ARHGAP12: variants seen among roughly 807,000 people sequenced by gnomAD.
ARHGAP12 encodes rho GTPase-activating protein 12.
Under a neutral mutation model 108.6 loss-of-function variants are expected in ARHGAP12, and 64 were observed. That is an observed-to-expected ratio of 0.59 (90% CI 0.48 to 0.73). The LOEUF is 0.73. Among genes scored for constraint, ARHGAP12 ranks in the 30% least tolerant of loss-of-function variants. ARHGAP12 has a pLI of 0.00. For synonymous variants in ARHGAP12, 312 were observed against 337.2 expected (o/e 0.93, Z 0.82); for missense variants, 940 against 1,005.9 (o/e 0.93, Z 0.89).
At chr10:31,821,177 T>C (rs991288910) in intron 11 of ARHGAP12, among the ~76,000 whole-genome samples, 20 of 152,226 alleles carry the variant, frequency 1.3e-4, no homozygotes, top group Middle Eastern at 3.4e-3. Flanking sequence ...TGTCAGAAAC[T>C]GTAACTAGAG....
chr10:31,858,994 AGT>A (rs148748135), intron 4 of ARHGAP12, among the ~76,000 whole-genome samples: 35,022 of 152,046 alleles, frequency 0.23, 4,365 homozygotes, highest in Non-Finnish European at 0.29. Flanking sequence ...GAAACTGGGG[AGT>A]GAAAGCAGTG....
intron 3 of ARHGAP12, among the ~76,000 whole-genome samples, chr10:31,888,023 C>T (rs1444562583): frequency 6.6e-6 from 1 of 152,106 alleles, no homozygotes; most frequent in African/African-American, 2.4e-5. Flanking sequence ...TCAAAACTTT[C>T]AGTGGTGAAC....
intron 6 of ARHGAP12, among the ~76,000 whole-genome samples, chr10:31,846,938 C>A (rs1247011489): frequency 2.9e-5 from 3 of 104,978 alleles, no homozygotes; most frequent in Non-Finnish European, 5.4e-5. Context: ...TCTATTGTCT[C>A]TCCATTGTTC....
At chr10:31,879,474 T>C (rs1056052335) in intron 3 of ARHGAP12, among the ~76,000 whole-genome samples, 1 of 152,186 alleles carries the variant, frequency 6.6e-6, no homozygotes, top group Non-Finnish European at 1.5e-5. Context: ...TGGTCTTCTT[T>C]AAAAATGAAA....
chr10:31,838,884 C>T (rs112238099), intron 9 of ARHGAP12, among the ~76,000 whole-genome samples: 1 of 151,148 alleles, frequency 6.6e-6, no homozygotes, highest in African/African-American at 2.4e-5. Context: ...TGCCTGTGGT[C>T]CCAGCTACTA....
intron 8 of ARHGAP12, 57 bp downstream of exon 8, chr10:31,839,580 C>T (rs1206996063): frequency 1.4e-6 from 2 of 1,457,290 alleles, no homozygotes; most frequent in African/African-American, 1.4e-5. Context: ...AATTAACTTG[C>T]TAAAATTGAT....
intron 3 of ARHGAP12, among the ~76,000 whole-genome samples, chr10:31,863,193 A>G (rs899937783): frequency 2.0e-5 from 3 of 152,136 alleles, no homozygotes; most frequent in African/African-American, 7.2e-5. Context: ...ATCACTAAAC[A>G]ACATCTTTCT....
intron 9 of ARHGAP12, among the ~76,000 whole-genome samples, chr10:31,838,565 C>A (rs1836117316): frequency 6.6e-6 from 1 of 151,966 alleles, no homozygotes; most frequent in Admixed American, 6.6e-5. Context: ...CACAGTGGCT[C>A]ATGCCTGTAA....
At chr10:31,808,813 A>C (rs1171529381) in intron 18 of ARHGAP12, 62 bp from the exon 19 acceptor site, 1 of 1,542,036 alleles carries the variant, frequency 6.5e-7, no homozygotes, top group African/African-American at 1.4e-5. Context: ...AAGCAATGTC[A>C]CAGTTTGGAA....
intron 3 of ARHGAP12, among the ~76,000 whole-genome samples, chr10:31,888,557 T>C (rs1838272710): frequency 6.6e-6 from 1 of 152,120 alleles, no homozygotes; most frequent in South Asian, 2.1e-4. Flanking sequence ...GTAAAAAGAA[T>C]CCTGACAGTG....
At chr10:31,876,255 C>T (rs987085691) in intron 3 of ARHGAP12, among the ~76,000 whole-genome samples, 4 of 152,190 alleles carry the variant, frequency 2.6e-5, no homozygotes, top group Admixed American at 1.3e-4. Context: ...CAGTGGCTCA[C>T]GCCTGTAATC....
chr10:31,857,822 C>T (rs1192496215), intron 4 of ARHGAP12, among the ~76,000 whole-genome samples: 1 of 152,066 alleles, frequency 6.6e-6, no homozygotes, highest in African/African-American at 2.4e-5. Flanking sequence ...AACTATATAC[C>T]CATGTTCTTC....
chr10:31,898,836 A>G (rs1008601365), intron 3 of ARHGAP12, among the ~76,000 whole-genome samples: 2 of 152,174 alleles, frequency 1.3e-5, no homozygotes, highest in Non-Finnish European at 2.9e-5. Flanking sequence ...ATGTTCCCAC[A>G]ACAATAAAAT....
intron 1 of ARHGAP12, among the ~76,000 whole-genome samples, chr10:31,916,845 G>A (rs182137451): frequency 1.3e-5 from 2 of 152,066 alleles, no homozygotes; most frequent in Admixed American, 6.5e-5. Context: ...TGGAATTCCT[G>A]ACCTTGTGAT....
intron 3 of ARHGAP12, among the ~76,000 whole-genome samples, chr10:31,898,224 T>C (rs1838783829): frequency 6.6e-6 from 1 of 152,114 alleles, no homozygotes; most frequent in Non-Finnish European, 1.5e-5. Flanking sequence ...AACTCAATAA[T>C]AAGGCAACGC....
At chr10:31,807,863 G>C in intron 19 of ARHGAP12, 31 bp from the exon 20 acceptor site, 1 of 1,437,730 alleles carries the variant, frequency 7.0e-7, no homozygotes, top group Non-Finnish European at 9.3e-7. Flanking sequence ...TGTTAAAAGA[G>C]AAAATAAGAG....
chr10:31,847,900 A>AT, intron 6 of ARHGAP12, among the ~76,000 whole-genome samples: 1 of 152,298 alleles, frequency 6.6e-6, no homozygotes, highest in African/African-American at 2.4e-5. Flanking sequence ...AGTAGGTATA[A>AT]TAAACAGAGA....
intron 13 of ARHGAP12, among the ~76,000 whole-genome samples, chr10:31,816,179 G>GTA (rs1346685211): frequency 1.9e-4 from 28 of 149,860 alleles, no homozygotes; most frequent in South Asian, 6.4e-4. Flanking sequence ...GTGTGTGTGT[G>GTA]TGTGTGTGTG....
intron 3 of ARHGAP12, among the ~76,000 whole-genome samples, chr10:31,897,788 C>T (rs1407702989): frequency 6.6e-6 from 1 of 152,156 alleles, no homozygotes; most frequent in Admixed American, 6.5e-5. Context: ...CAGAATCAAA[C>T]TCAGCTGTGG....
Sources: gnomAD v4.1 joint callset for allele counts (sites outside exome capture counted in the v4.1 genomes callset) on GRCh38, gnomAD v4.1.1 for gene constraint, MANE v1.5 for transcripts, NCBI Gene and HGNC (gene_info 2026-07-23, HGNC 2026-07-21) for gene names.